MMP28: variants seen among roughly 807,000 people sequenced by gnomAD.
MMP28 encodes the protein matrix metalloproteinase-28.
MMP28 carries 55 observed loss-of-function variants against 60.5 expected under a neutral mutation model. That is an observed-to-expected ratio of 0.91 (90% CI 0.73 to 1.14). The LOEUF is 1.14. MMP28 is among the 50% of genes most tolerant of loss of function. MMP28 has a pLI of 0.00. For missense variants in MMP28, 686 were observed against 738.3 expected (o/e 0.93, Z 0.82); for synonymous variants, 318 against 312.5 (o/e 1.02, Z -0.18).
In MMP28 at chr17:35,778,967, C is replaced by T. The variant is rs2086414189; in HGVS notation, c.300G>A (p.Ala100=). ...AGTCACTGATCCTCTCAGCCCAGGC[C>T]GCATAACTGTTGGTATCTGTAACCC... ...RCGVTDTNSY[A]AWAERISDLF... The change falls in exon 3 of 8, where the codon GCG becomes GCA. Residue 100 remains alanine, a synonymous_variant. Transcript: ENST00000605424. 10 of 1,613,934 alleles carry T rather than the reference C, an allele frequency of 6.2e-6. No individual in the cohort carries two copies. Among genetic ancestry groups the T allele is most frequent in the East Asian group, 2.2e-5 (1 of 44,900 alleles).
downstream of MMP28, among the ~76,000 whole-genome samples, chr17:35,765,467 C>G (rs2085915632): frequency 1.3e-5 from 2 of 152,214 alleles, no homozygotes; most frequent in South Asian, 2.1e-4. Context: ...GGTTCCTTCT[C>G]CAGGAATCCC....
rs1555603670 is a variant in MMP28 at position 35,766,895 on chromosome 17, C to T, written c.1169-1G>A. ...CCCCGGAACCTCCAGCATCGACCCC[C>T]TGTGGGGAATTGGGAGAGCCAGGGT... On this transcript the variant is annotated splice_acceptor_variant, in intron 7 of 7. Transcript: ENST00000605424. LOFTEE classifies it high-confidence loss of function. The surrounding 1 kb of genome is among the most constrained non-coding windows in gnomAD (Gnocchi z 4.3). 6.4e-7 allele frequency: 1 copy of T among 1,572,282 alleles called. No individual in the cohort carries two copies. The highest frequency in any genetic ancestry group is 1.4e-5 in the African/African-American group (1 of 73,972).
chr17:35,769,616 G>C (rs373227221), intron 5 of MMP28, among the ~76,000 whole-genome samples: 1 of 152,158 alleles, frequency 6.6e-6, no homozygotes, highest in Non-Finnish European at 1.5e-5. Flanking sequence ...GGGATAGGGG[G>C]CATCAGCATC....
intron 1 of MMP28, among the ~76,000 whole-genome samples, chr17:35,784,470 G>A (rs1555610060): frequency 6.6e-6 from 1 of 152,174 alleles, no homozygotes; most frequent in East Asian, 1.9e-4. Flanking sequence ...AACTTCCCGG[G>A]TGAGGAGGTG....
intron 4 of MMP28, among the ~76,000 whole-genome samples, chr17:35,770,714 ATGTGTGTGTG>A (rs56074641): frequency 1.2e-4 from 18 of 147,650 alleles, no homozygotes; most frequent in African/African-American, 4.0e-4. Flanking sequence ...TGAATAATAA[ATGTGTGTGTG>A]TGTGTGTGTG....
rs375437998 is a variant in MMP28, at chr17:35,770,227, G to A, written c.690C>T (p.Arg230=). The stretch of plus-strand genomic sequence containing the variant: ...CCAGCACCACGAACAGGTTGCGCCC[G>A]CGGCGGCGGCTCAGGGACCAGCGCT... ...QDERWSLSRR[R]GRNLFVVLAH... Residue 230 remains arginine (R), a synonymous_variant, in exon 5 of 8, where the codon CGC becomes CGT. Coordinates refer to ENST00000605424, the MANE Select transcript of MMP28 (RefSeq NM_024302.5). The A allele has an allele frequency of 2.5e-6, 4 of 1,594,792 alleles. No homozygotes were observed. The highest frequency in any genetic ancestry group is 3.4e-6 in the Non-Finnish European group (4 of 1,175,966).
At chr17:35,787,664 T>C (rs1218458745) in intron 1 of MMP28, among the ~76,000 whole-genome samples, 3 of 152,116 alleles carry the variant, frequency 2.0e-5, no homozygotes, top group Non-Finnish European at 2.9e-5. Flanking sequence ...TAATTTCGTA[T>C]TTTTAGTAAA....
At chr17:35,771,469 A>G (rs1237774453) in intron 4 of MMP28, among the ~76,000 whole-genome samples, 1 of 148,648 alleles carries the variant, frequency 6.7e-6, no homozygotes, top group African/African-American at 2.5e-5. Flanking sequence ...TTTCAAAAAG[A>G]TCTAGGAGTA....
chr17:35,766,271 T>C lies in MMP28; in HGVS notation c.*229A>G, dbSNP rs553546294. Reference sequence around the variant, plus strand: ...AAGGGCCAAGGGATCTGGGACCCTTTTTTGCTTTTCCTAAGATTGATCCCA... The same window carrying C: ...AAGGGCCAAGGGATCTGGGACCCTTCTTTGCTTTTCCTAAGATTGATCCCA... On this transcript the variant is annotated 3_prime_UTR_variant, in exon 8 of 8. Coordinates refer to ENST00000605424, the MANE Select transcript of MMP28 (RefSeq NM_024302.5). This position sits in a 1 kb window ranked among gnomAD's most constrained non-coding sequence, Gnocchi z 4.3. 9.0e-5 allele frequency: 118 copies of C among 1,310,946 alleles called. 1 individual carries two copies. The African/African-American group carries it at 1.5e-3, about 17-fold the overall frequency. The allele number at this position is 1,310,946 out of a possible 1,614,324, so 81.2% of individuals were successfully genotyped here.
At chr17:35,775,302 C>T (rs1391756526) in intron 3 of MMP28, among the ~76,000 whole-genome samples, 2 of 152,172 alleles carry the variant, frequency 1.3e-5, no homozygotes, top group Non-Finnish European at 2.9e-5. Context: ...GCCCCTGTCT[C>T]CCTCCAGATT....
At chr17:35,774,959 C>T (rs2143353208) in intron 3 of MMP28, among the ~76,000 whole-genome samples, 1 of 152,268 alleles carries the variant, frequency 6.6e-6, no homozygotes, top group South Asian at 2.1e-4. Flanking sequence ...TCTTTCTTTC[C>T]CCTCACAAAC....
chr17:35,779,280 T>G lies in MMP28; in HGVS notation c.155A>C (p.Lys52Thr), dbSNP rs201680056. Residue 52 changes from lysine to threonine, a missense_variant, in exon 2 of 8, where the codon AAA (lysine) becomes ACA (threonine). Coordinates refer to ENST00000605424, the MANE Select transcript of MMP28 (RefSeq NM_024302.5). Reference sequence around the variant, plus strand: ...GCTGAATCGAGTGGAGGTGGGAGCTTTGGGGACCTGTTCATTGAGGTATCC... The same window carrying G: ...GCTGAATCGAGTGGAGGTGGGAGCTGTGGGGACCTGTTCATTGAGGTATCC... ...KYGYLNEQVP[K>T]APTSTRFSDA... is the part of the protein sequence containing the mutation. 5.1e-5 allele frequency: 83 copies of G among 1,613,392 alleles called. No homozygotes were observed. The highest frequency in any genetic ancestry group is 6.9e-5 in the Non-Finnish European group (81 of 1,179,726).
At chr17:35,788,197 T>C (rs1018380782) in intron 1 of MMP28, among the ~76,000 whole-genome samples, 8 of 152,110 alleles carry the variant, frequency 5.3e-5, no homozygotes, top group Admixed American at 1.3e-4. Context: ...TCATGAGCCA[T>C]TGTGGCCAGC....
intron 7 of MMP28, among the ~76,000 whole-genome samples, chr17:35,767,213 G>C (rs956540144): frequency 2.0e-5 from 3 of 152,172 alleles, no homozygotes; most frequent in African/African-American, 7.2e-5. Flanking sequence ...ATTCACTGCT[G>C]TATCCCTAAC....
chr17:35,767,431 G>A (rs745335966), intron 7 of MMP28, among the ~76,000 whole-genome samples: 1 of 152,128 alleles, frequency 6.6e-6, no homozygotes, highest in Non-Finnish European at 1.5e-5. Context: ...AAAGTTAAGC[G>A]ACACGTCCAA....
chr17:35,765,601 C>A, downstream of MMP28, among the ~76,000 whole-genome samples: 1 of 152,224 alleles, frequency 6.6e-6, no homozygotes, highest in Middle Eastern at 3.2e-3. Context: ...GAGGCTGCAT[C>A]CCCAGCGCCT....
chr17:35,793,656 C>A lies in MMP28; in HGVS notation c.111+1611G>T, dbSNP rs529917459. On this transcript the variant is annotated intron_variant, in intron 1 of 7. Transcript: ENST00000605424. ...TTCGGAGAGGGCCCTCTTCATTCTG[C>A]AGTTTCCCCAAATTCAGCTTGCCCT... Among the ~76,000 whole-genome samples the A allele has an allele frequency of 1.7e-4, 26 of 152,244 alleles. 1 individual carries two copies. In the South Asian group the frequency reaches 5.4e-3, roughly 32 times the overall value.
rs2086418990 is a variant in MMP28 at position 35,779,023 on chromosome 17, T to G, written c.244A>C (p.Thr82Pro). Reference sequence around the variant, plus strand: ...CGGGGACGAGTCATCTGGCGCAGGGTGGCGCGGTCCAACACGCCGCTGACA... The same window carrying G: ...CGGGGACGAGTCATCTGGCGCAGGGGGGCGCGGTCCAACACGCCGCTGACA... ...LPVSGVLDRA[T>P]LRQMTRPRCG... The change falls in exon 3 of 8, where the codon ACC (threonine) becomes CCC (proline). Residue 82 changes from threonine to proline, a missense_variant. Physicochemically the swap from Thr to Pro is conservative, Grantham distance 38. Transcript: ENST00000605424. The G allele has an allele frequency of 6.2e-7, 1 of 1,613,864 alleles. No individual in the cohort carries two copies.
intron 1 of MMP28, among the ~76,000 whole-genome samples, chr17:35,794,824 G>T (rs1252803813): frequency 2.0e-5 from 3 of 152,132 alleles, no homozygotes; most frequent in African/African-American, 7.2e-5. Context: ...GCAGGTCAGC[G>T]GCGGTCCCCG....
Sources: allele counts gnomAD v4.1 joint callset (sites outside exome capture counted in the v4.1 genomes callset), GRCh38; gene constraint gnomAD v4.1.1; non-coding constraint Gnocchi (gnomAD v3.1); transcripts MANE v1.5; gene names NCBI Gene and HGNC (gene_info 2026-07-23, HGNC 2026-07-21).